SLC12A4: variants seen among roughly 807,000 people sequenced by gnomAD.
SLC12A4 encodes electroneutral potassium-chloride cotransporter 1.
In SLC12A4, 84 loss-of-function variants were observed where a neutral mutation model predicts 119.2. The observed-to-expected ratio is 0.70, with a 90% CI of 0.59 to 0.85. SLC12A4 has a LOEUF of 0.85. Ranked by LOEUF, SLC12A4 falls within the 40% of genes least tolerant of loss-of-function variation. The pLI is 0.00. For synonymous variants in SLC12A4, 599 were observed against 604.6 expected (o/e 0.99, Z 0.14); for missense variants, 1,298 against 1,476.3 (o/e 0.88, Z 1.98).
intron 2 of SLC12A4, 135 bp downstream of exon 2, chr16:67,963,330 G>A (rs1236559613): frequency 5.6e-6 from 3 of 533,588 alleles, no homozygotes; most frequent in East Asian, 3.6e-5. Flanking sequence ...ACTGCAGCCC[G>A]GCTGCCATGA....
chr16:67,961,108 C>T (rs932706304), intron 3 of SLC12A4, among the ~76,000 whole-genome samples: 1 of 152,112 alleles, frequency 6.6e-6, no homozygotes, highest in African/African-American at 2.4e-5. Context: ...ACATATCCCA[C>T]AAATCTGTCT....
chr16:67,948,014 A>G (rs764649078), intron 14 of SLC12A4, 47 bp downstream of exon 14: 1 of 1,589,494 alleles, frequency 6.3e-7, no homozygotes, highest in African/African-American at 1.3e-5. Flanking sequence ...ACCCAGAATG[A>G]GGCTCCTGGC....
intron 1 of SLC12A4, chr16:67,966,724 A>G: frequency 1.3e-6 from 2 of 1,551,240 alleles, no homozygotes; most frequent in Non-Finnish European, 1.7e-6. Context: ...GACCCTTTGC[A>G]GTCCCCACCA....
rs1325585850 is a variant in SLC12A4 at position 67,950,720 on chromosome 16, G to A, written c.1397-9C>T. ...AACCACACTGCTGAAGTCTGCGGCG[G>A]CGTCAAGGAAAACTCGGCCTCTGCC... is the stretch of plus-strand genomic sequence containing the variant. On this transcript the variant is annotated splice_polypyrimidine_tract_variant and intron_variant, in intron 10 of 23. Coordinates refer to ENST00000316341, the MANE Select transcript of SLC12A4 (RefSeq NM_005072.5). The surrounding 1 kb of genome is among the most constrained non-coding windows in gnomAD (Gnocchi z 4.3). The A allele has an allele frequency of 6.2e-7, 1 of 1,604,486 alleles. No homozygotes were observed. The highest frequency in any genetic ancestry group is 1.3e-5 in the African/African-American group (1 of 74,382).
At position 67,949,970 on chromosome 16, in the gene SLC12A4, G is replaced by A. The variant is rs752515094; in HGVS notation, c.1630-52C>T. 43 of 1,437,066 alleles carry A rather than the reference G, an allele frequency of 3.0e-5. No homozygotes were observed. The highest frequency in any genetic ancestry group is 1.0e-4 in the Admixed American group (6 of 57,336). The allele number at this position is 1,437,066 out of a possible 1,614,324, so 89.0% of individuals were successfully genotyped here. ...TCCTGTCACCCCCATTCCACACCTT[G>A]GGCCCCAGACCCCAGCCTGGCCTCC... On this transcript the variant is annotated intron_variant, in intron 12 of 23. Transcript: ENST00000316341. The surrounding 1 kb of genome is among the most constrained non-coding windows in gnomAD (Gnocchi z 4.6).
At position 67,946,279 on chromosome 16, in the gene SLC12A4, G is replaced by T. The variant is rs1355076741; in HGVS notation, c.2499C>A (p.Phe833Leu). 1 of 1,613,510 alleles carries T rather than the reference G, an allele frequency of 6.2e-7. No homozygotes were observed. Among genetic ancestry groups the T allele is most frequent in the South Asian group, 1.1e-5 (1 of 91,088 alleles). Reference sequence around the variant, plus strand: ...GGTAGCGCTCGTGGTTGCTGGGGTAGAAGGCGATGTTCTTGGGCACGAGCA... The same window carrying T: ...GGTAGCGCTCGTGGTTGCTGGGGTATAAGGCGATGTTCTTGGGCACGAGCA... ...LALLVPKNIA[F>L]YPSNHERYLE... is the part of the protein sequence containing the mutation. The change falls in exon 19 of 24, where the codon TTC (phenylalanine) becomes TTA (leucine). Residue 833 changes from phenylalanine (F) to leucine (L), a missense_variant. Coordinates refer to ENST00000316341, the MANE Select transcript of SLC12A4 (RefSeq NM_005072.5).
At chr16:67,966,281 G>A (rs1420956460) in intron 1 of SLC12A4, among the ~76,000 whole-genome samples, 1 of 152,256 alleles carries the variant, frequency 6.6e-6, no homozygotes, top group Non-Finnish European at 1.5e-5. Flanking sequence ...GGGAATGTAA[G>A]GGTCTAAGTA....
At chr16:67,962,955 C>T (rs2030660556) in intron 2 of SLC12A4, 1 of 152,290 alleles carries the variant, frequency 6.6e-6, no homozygotes, top group Non-Finnish European at 1.5e-5. Context: ...CCAGATCTCA[C>T]TGCTCAGCTT....
chr16:67,951,211 G>A lies in SLC12A4; in HGVS notation c.1226C>T (p.Pro409Leu), dbSNP rs201454764. Residue 409 changes from proline (P) to leucine (L), a missense_variant, in exon 9 of 24, where the codon CCT (proline) becomes CTT (leucine). By Grantham distance (98) the Pro-to-Leu change is moderately conservative. Coordinates refer to ENST00000316341, the MANE Select transcript of SLC12A4 (RefSeq NM_005072.5). The surrounding 1 kb of genome is among the most constrained non-coding windows in gnomAD (Gnocchi z 5.2). Reference sequence around the variant, plus strand: ...GGCGATGTCAGCGACCACGTACAGAGGCAGGCTCTCCTTCAGGCTCGGGGC... The same window carrying A: ...GGCGATGTCAGCGACCACGTACAGAAGCAGGCTCTCCTTCAGGCTCGGGGC... ...ADAPSLKESL[P>L]LYVVADIATS... 143 of 1,614,116 alleles carry A rather than the reference G, an allele frequency of 8.9e-5. No individual in the cohort carries two copies. Among genetic ancestry groups the A allele is most frequent in the Middle Eastern group, 1.6e-4 (1 of 6,062 alleles).
intron 19 of SLC12A4, 38 bp from the exon 20 acceptor site, chr16:67,946,120 T>C (rs2151324251): frequency 1.2e-6 from 2 of 1,612,804 alleles, no homozygotes; most frequent in Non-Finnish European, 8.5e-7. Context: ...TGGTCACAGC[T>C]GCTCCTCCAA....
In SLC12A4 at chr16:67,968,545, G is replaced by A. The variant is rs148398682; in HGVS notation, c.9C>T (p.His3=). 5.7e-6 allele frequency: 9 copies of A among 1,568,438 alleles called. No individual in the cohort carries two copies. The highest frequency in any genetic ancestry group is 7.7e-6 in the Non-Finnish European group (9 of 1,163,974). The change falls in exon 1 of 24, where the codon CAC becomes CAT. Residue 3 remains histidine, a synonymous_variant. Coordinates refer to ENST00000316341, the MANE Select transcript of SLC12A4 (RefSeq NM_005072.5). MP[H]FTVVPVDGPR... is the part of the protein sequence containing the mutation. ...GCCCGTCCACTGGCACCACGGTGAA[G>A]TGAGGCATCGTGCGGGCTCGGCCCC... is the stretch of plus-strand genomic sequence containing the variant.
At position 67,957,932 on chromosome 16, in the gene SLC12A4, T is replaced by C. The variant is rs1195718688; in HGVS notation, c.455A>G (p.Gln152Arg). Residue 152 changes from glutamine (Q) to arginine (R), a missense_variant, in exon 4 of 24, where the codon CAG becomes CGG. Coordinates refer to ENST00000316341, the MANE Select transcript of SLC12A4 (RefSeq NM_005072.5). ...GCAGATAAGCACGATGAGGAGGGCC[T>C]GTAGCACACCTGCTGTGCCCACCAT... Reference protein sequence around the residue: ...TWMVGTAGVLQALLIVLICCC... With the variant: ...TWMVGTAGVLRALLIVLICCC... 6.2e-6 allele frequency: 10 copies of C among 1,614,032 alleles called. No individual in the cohort carries two copies. The highest frequency in any genetic ancestry group is 7.6e-6 in the Non-Finnish European group (9 of 1,179,940).
chr16:67,967,908 C>T (rs1344502721), intron 1 of SLC12A4, among the ~76,000 whole-genome samples: 6 of 152,134 alleles, frequency 3.9e-5, no homozygotes, highest in Admixed American at 2.6e-4. Flanking sequence ...AGATCTACAC[C>T]GGCGCACTCA....
chr16:67,946,396 CTCACT>C, intron 18 of SLC12A4, 37 bp downstream of exon 18: 2 of 1,603,016 alleles, frequency 1.2e-6, no homozygotes, highest in South Asian at 2.2e-5. Flanking sequence ...CCACTGCCAC[CTCACT>C]TCACCCCTGC....
intron 1 of SLC12A4, among the ~76,000 whole-genome samples, chr16:67,966,000 A>G (rs1024813427): frequency 6.6e-6 from 1 of 152,224 alleles, no homozygotes. Flanking sequence ...ATCTTTAAAA[A>G]TAGAGAAGAG....
chr16:67,948,215 A>T, intron 13 of SLC12A4, 56 bp from the exon 14 acceptor site: 2 of 1,555,334 alleles, frequency 1.3e-6, no homozygotes, highest in South Asian at 2.2e-5. Flanking sequence ...TGGGGACCTG[A>T]TGTCAGGCTG....
At chr16:67,954,494 A>G (rs1198864885) in intron 6 of SLC12A4, 149 bp downstream of exon 6, 1 of 952,070 alleles carries the variant, frequency 1.1e-6, no homozygotes, top group African/African-American at 1.7e-5. Flanking sequence ...AGCCTGAGTA[A>G]AGGTCTTTGT....
intron 2 of SLC12A4, 99 bp from the exon 3 acceptor site, chr16:67,961,805 A>G (rs2030591993): frequency 6.6e-7 from 1 of 1,507,164 alleles, no homozygotes; most frequent in Non-Finnish European, 9.1e-7. Flanking sequence ...AAGCCCTGAG[A>G]CAGGCCTGGG....
chr16:67,944,192 G>T lies in SLC12A4; in HGVS notation c.*648C>A. 3 of 1,494,638 alleles carry T rather than the reference G, an allele frequency of 2.0e-6. No homozygotes were observed. Among genetic ancestry groups the T allele is most frequent in the Non-Finnish European group, 2.7e-6 (3 of 1,114,138 alleles). The allele number at this position is 1,494,638 out of a possible 1,614,324, so 92.6% of individuals were successfully genotyped here. A position where few individuals can be genotyped will look rare whatever the true frequency, so the allele number is the denominator to read the frequency against. On this transcript the variant is annotated 3_prime_UTR_variant, in exon 24 of 24. Transcript: ENST00000316341. The surrounding 1 kb of genome is among the most constrained non-coding windows in gnomAD (Gnocchi z 6.6). ...GAGGGGCCCTAGGGCCAGTGGGAGG[G>T]ACGGCCTGGCCAGTGGGGGTTGTGG...
Sources: allele counts gnomAD v4.1 joint callset (sites outside exome capture counted in the v4.1 genomes callset), GRCh38; gene constraint gnomAD v4.1.1; non-coding constraint Gnocchi (gnomAD v3.1); transcripts MANE v1.5; gene names NCBI Gene and HGNC (gene_info 2026-07-23, HGNC 2026-07-21).